Variants in HTR7 observed in about 807,000 individuals in gnomAD.
HTR7 encodes 5-hydroxytryptamine receptor 7, also known as 5-HT-7.
A neutral mutation model predicts 34.0 loss-of-function variants in HTR7; 16 were observed. That is an observed-to-expected ratio of 0.47 (90% CI 0.32 to 0.71). HTR7 has a LOEUF of 0.71. Ranked by LOEUF, HTR7 falls within the 30% of genes least tolerant of loss-of-function variation. The probability of loss-of-function intolerance (pLI) is 0.04; values close to 1 mark genes in which losing one functional copy is unlikely to be tolerated. For synonymous variants in HTR7, 265 were observed against 260.2 expected, an observed-to-expected ratio of 1.02 and a Z score of -0.18; for missense variants, 504 against 625.5, an observed-to-expected ratio of 0.81 and a Z score of 2.07.
intron 1 of HTR7, among the ~76,000 whole-genome samples, chr10:90,829,591 G>C (rs1846133189): frequency 1.3e-5 from 2 of 151,904 alleles, no homozygotes; most frequent in Non-Finnish European, 2.9e-5. Context: ...TTTTGCCACT[G>C]TTATTCAACA....
At chr10:90,786,222 G>A (rs780196245) in intron 1 of HTR7, among the ~76,000 whole-genome samples, 12 of 152,162 alleles carry the variant, frequency 7.9e-5, no homozygotes, top group Non-Finnish European at 1.2e-4. Flanking sequence ...GATAACCATC[G>A]GGGTGCCCTA....
intron 1 of HTR7, among the ~76,000 whole-genome samples, chr10:90,755,092 C>A (rs559094238): frequency 9.2e-4 from 140 of 152,262 alleles, no homozygotes; most frequent in Non-Finnish European, 1.6e-3. Context: ...GGGTCTTTAT[C>A]CCCCACACTG....
intron 1 of HTR7, among the ~76,000 whole-genome samples, chr10:90,824,250 C>A (rs1331300477): frequency 6.6e-6 from 1 of 152,252 alleles, no homozygotes; most frequent in Non-Finnish European, 1.5e-5. Flanking sequence ...GCCCAGATGA[C>A]ATTTCCAGAC....
intron 1 of HTR7, among the ~76,000 whole-genome samples, chr10:90,791,180 A>T (rs183354583): frequency 6.6e-6 from 1 of 152,110 alleles, no homozygotes; most frequent in East Asian, 1.9e-4. Context: ...GTGGGACACA[A>T]ACTCAAAAAA....
Position 90,742,530 on chromosome 10 carries a change from TA to T in HTR7, c.1394-3del, listed in dbSNP as rs760685656. 108 of 1,574,354 alleles carry T rather than the reference TA, an allele frequency of 6.9e-5. No individual in the cohort carries two copies. The highest frequency in any genetic ancestry group is 7.1e-5 in the Non-Finnish European group (82 of 1,154,628). On this transcript the variant is annotated splice_region_variant and splice_polypyrimidine_tract_variant and intron_variant, in intron 3 of 3. Coordinates refer to ENST00000336152, the MANE Select transcript of HTR7 (RefSeq NM_019859.4). ...TTTCTACAGTAGTCAGCATTTTGTC[TA>T]AAAAAAAGAGAGAGAAAAATAGAAA...
intron 1 of HTR7, among the ~76,000 whole-genome samples, chr10:90,800,336 C>G (rs2119918756): frequency 6.6e-6 from 1 of 152,266 alleles, no homozygotes; most frequent in African/African-American, 2.4e-5. Flanking sequence ...AAATAAAATT[C>G]TAAGCCCCCA....
At chr10:90,757,591 G>T (rs887600392) in intron 1 of HTR7, among the ~76,000 whole-genome samples, 3 of 152,182 alleles carry the variant, frequency 2.0e-5, no homozygotes, top group African/African-American at 7.2e-5. Flanking sequence ...CAACTGAAAA[G>T]TAGATGCACT....
intron 1 of HTR7, among the ~76,000 whole-genome samples, chr10:90,784,791 A>T (rs769832292): frequency 1.3e-5 from 2 of 152,206 alleles, no homozygotes; most frequent in Non-Finnish European, 2.9e-5. Flanking sequence ...CTTGATCCAG[A>T]ACAATGTGTA....
In HTR7 at chr10:90,749,774, G is replaced by C. The variant is rs920356141; in HGVS notation, c.540-180C>G. On this transcript the variant is annotated intron_variant, in intron 1 of 3. Coordinates refer to ENST00000336152, the MANE Select transcript of HTR7 (RefSeq NM_019859.4). This position sits in a 1 kb window ranked among gnomAD's most constrained non-coding sequence, Gnocchi z 4.2. The stretch of plus-strand genomic sequence containing the variant: ...TGAGATGTTACCTATTTTATTCCGG[G>C]TCACACAGAGGCATTGCCAGATTGT... Among the ~76,000 whole-genome samples the C allele has an allele frequency of 6.6e-6, 1 of 152,164 alleles. No individual in the cohort carries two copies. Among genetic ancestry groups the C allele is most frequent in the Non-Finnish European group, 1.5e-5 (1 of 68,028 alleles).
intron 1 of HTR7, among the ~76,000 whole-genome samples, chr10:90,796,059 G>A (rs973427817): frequency 7.2e-5 from 11 of 152,274 alleles, no homozygotes; most frequent in Non-Finnish European, 4.4e-5. Context: ...CTGTGTTGAC[G>A]TTAATGCTGG....
chr10:90,792,047 C>T (rs562114109), intron 1 of HTR7, among the ~76,000 whole-genome samples: 14 of 152,042 alleles, frequency 9.2e-5, no homozygotes, highest in Admixed American at 5.2e-4. Context: ...GACTCTGTTG[C>T]AAGGATGAAA....
chr10:90,791,462 G>C (rs955991938), intron 1 of HTR7, among the ~76,000 whole-genome samples: 8 of 152,198 alleles, frequency 5.3e-5, no homozygotes, highest in Admixed American at 1.3e-4. Flanking sequence ...AGAGGACTAA[G>C]TGTAAAAGAC....
intron 1 of HTR7, among the ~76,000 whole-genome samples, chr10:90,817,849 C>G (rs758951221): frequency 2.0e-5 from 3 of 152,064 alleles, no homozygotes; most frequent in Non-Finnish European, 4.4e-5. Flanking sequence ...AAAGAATAAA[C>G]AAAATATGCT....
chr10:90,761,660 GT>G (rs1166122754), intron 1 of HTR7, among the ~76,000 whole-genome samples: 2 of 151,536 alleles, frequency 1.3e-5, no homozygotes, highest in South Asian at 2.1e-4. Flanking sequence ...GTGTGTGTGT[GT>G]GTGGTGAGGT....
chr10:90,762,962 G>C (rs1246325753), intron 1 of HTR7, among the ~76,000 whole-genome samples: 1 of 152,118 alleles, frequency 6.6e-6, no homozygotes, highest in Non-Finnish European at 1.5e-5. Flanking sequence ...GGTTTCCATG[G>C]ATTCCATGCT....
In HTR7 at chr10:90,851,466, G is replaced by A. The variant is rs139821572; in HGVS notation, c.539+5667C>T. Among the ~76,000 whole-genome samples, 587 of 151,936 alleles carry A rather than the reference G, an allele frequency of 3.9e-3. 4 individuals carry two copies. The highest frequency in any genetic ancestry group is 0.014 in the African/African-American group (567 of 41,428). On this transcript the variant is annotated intron_variant, in intron 1 of 3. Coordinates refer to ENST00000336152, the MANE Select transcript of HTR7 (RefSeq NM_019859.4). ...CTAAAAATACAAAAATTAGCAGGGCGTGGTGGCAGACGCCTGTACTCCCAG... is the reference window on the plus strand; with the variant it reads ...CTAAAAATACAAAAATTAGCAGGGCATGGTGGCAGACGCCTGTACTCCCAG...
chr10:90,751,302 G>A (rs561825148), intron 1 of HTR7, among the ~76,000 whole-genome samples: 1 of 152,236 alleles, frequency 6.6e-6, no homozygotes, highest in South Asian at 2.1e-4. Flanking sequence ...GGGAGTGAAG[G>A]AGTAAGGAAG....
At chr10:90,798,676 C>T (rs1845578187) in intron 1 of HTR7, among the ~76,000 whole-genome samples, 1 of 152,158 alleles carries the variant, frequency 6.6e-6, no homozygotes, top group Non-Finnish European at 1.5e-5. Context: ...ATCATACATG[C>T]ACTCCAGCCT....
At chr10:90,834,800 C>T (rs746310892) in intron 1 of HTR7, among the ~76,000 whole-genome samples, 1 of 152,132 alleles carries the variant, frequency 6.6e-6, no homozygotes, top group South Asian at 2.1e-4. Flanking sequence ...TTGCTAAGAT[C>T]CCATTAGGTA....
Sources: allele counts gnomAD v4.1 joint callset (sites outside exome capture counted in the v4.1 genomes callset), GRCh38; gene constraint gnomAD v4.1.1; non-coding constraint Gnocchi (gnomAD v3.1); transcripts MANE v1.5; gene names NCBI Gene and HGNC (gene_info 2026-07-23, HGNC 2026-07-21).